CADM3: variants seen among roughly 807,000 people sequenced by gnomAD.
CADM3 encodes TSLC1-like 1.
In CADM3, 11 loss-of-function variants were observed where a neutral mutation model predicts 44.9. That is an observed-to-expected ratio of 0.25 (90% CI 0.15 to 0.41). CADM3 has a LOEUF of 0.41. Among genes scored for constraint, CADM3 ranks in the 10% least tolerant of loss-of-function variants. The pLI, the probability that CADM3 is intolerant of heterozygous loss-of-function variation, is 1.00. For synonymous variants in CADM3, 207 were observed against 205.2 expected, an observed-to-expected ratio of 1.01 and a Z score of -0.08; for missense variants, 426 against 512.0, an observed-to-expected ratio of 0.83 and a Z score of 1.62.
Position 159,199,834 on chromosome 1 carries a change from A to G in CADM3, c.1036A>G (p.Ile346Val), listed in dbSNP as rs1650075822. ...IVAFIVFLLL[I>V]MLIFLGHYLI... ...GGCTTTCATTGTCTTCCTGCTGCTC[A>G]TCATGCTCATCTTCCTTGGCCACTA... Residue 346 changes from isoleucine to valine, a missense_variant, in exon 8 of 9, where the codon ATC (isoleucine) becomes GTC (valine). Physicochemically the swap from Ile to Val is conservative, Grantham distance 29. This residue lies in a region of CADM3 where 362 missense variants were observed against 474.6 expected (regional missense o/e 0.76). Coordinates refer to ENST00000368125, the MANE Select transcript of CADM3 (RefSeq NM_001127173.3). 2 of 1,613,858 alleles carry G rather than the reference A, an allele frequency of 1.2e-6. No homozygotes were observed. The highest frequency in any genetic ancestry group is 3.3e-5 in the Admixed American group (2 of 59,996).
chr1:159,193,775 C>T (rs529772821), intron 4 of CADM3, 95 bp from the exon 5 acceptor site: 62 of 1,512,674 alleles, frequency 4.1e-5, no homozygotes, highest in Admixed American at 2.5e-4. Context: ...ACCATCTGTA[C>T]GTCTACAATG....
chr1:159,196,548 T>C, intron 6 of CADM3, 94 bp downstream of exon 6: 1 of 998,996 alleles, frequency 1.0e-6, no homozygotes, highest in Non-Finnish European at 1.5e-6. Context: ...CTCTGTATTG[T>C]CTGACCTGAG....
chr1:159,200,500 A>C (rs1650124820), intron 8 of CADM3, among the ~76,000 whole-genome samples: 1 of 148,220 alleles, frequency 6.7e-6, no homozygotes, highest in African/African-American at 2.5e-5. Flanking sequence ...GCATACACAC[A>C]CACACGCATG....
intron 1 of CADM3, among the ~76,000 whole-genome samples, chr1:159,180,579 A>T (rs1038902083): frequency 2.3e-4 from 34 of 149,460 alleles, no homozygotes; most frequent in Non-Finnish European, 4.5e-4. Flanking sequence ...AAAAATACAG[A>T]TTTTTTTTTT....
intron 1 of CADM3, among the ~76,000 whole-genome samples, chr1:159,183,484 G>C (rs1649308426): frequency 6.6e-6 from 1 of 152,216 alleles, no homozygotes; most frequent in Non-Finnish European, 1.5e-5. Context: ...CAGCCAGAAA[G>C]AGGGTGGATG....
chr1:159,173,050 G>A (rs1007899287), intron 1 of CADM3, among the ~76,000 whole-genome samples: 1 of 152,088 alleles, frequency 6.6e-6, no homozygotes, highest in African/African-American at 2.4e-5. Context: ...ATGGAGGAAG[G>A]GGGAGAGGGA....
chr1:159,191,878 A>T (rs1649676724), intron 1 of CADM3, 58 bp from the exon 2 acceptor site: 2 of 1,607,212 alleles, frequency 1.2e-6, no homozygotes, highest in Non-Finnish European at 1.7e-6. Context: ...ACTTTGGCTC[A>T]GAAATGGGAG....
In CADM3 at chr1:159,171,756, G is replaced by T. The variant is rs1648807670; in HGVS notation, c.-10G>T. On this transcript the variant is annotated 5_prime_UTR_variant, in exon 1 of 9. Coordinates refer to ENST00000368125, the MANE Select transcript of CADM3 (RefSeq NM_001127173.3). ...CCAGCGCCCAGCCAGGGAGCCGGCC[G>T]GGAAGCGCGATGGGGGCCCCAGCCG... 1 of 1,235,130 alleles carries T rather than the reference G, an allele frequency of 8.1e-7. No individual in the cohort carries two copies. Among genetic ancestry groups the T allele is most frequent in the African/African-American group, 1.5e-5 (1 of 64,604 alleles). The allele number at this position is 1,235,130 out of a possible 1,614,324, so 76.5% of individuals were successfully genotyped here. A position where few individuals can be genotyped will look rare whatever the true frequency, so the allele number is the denominator to read the frequency against.
At chr1:159,179,659 C>A (rs971930634) in intron 1 of CADM3, among the ~76,000 whole-genome samples, 2 of 152,158 alleles carry the variant, frequency 1.3e-5, no homozygotes, top group Non-Finnish European at 2.9e-5. Flanking sequence ...TATGACCTGG[C>A]GCTTTGCTTC....
In CADM3 at chr1:159,200,909, A is replaced by C. The variant is rs770614102; in HGVS notation, c.1184A>C (p.Glu395Ala). ...CAGTCAGGAGGGGACGACAAGAAGG[A>C]ATATTTCATCTAGAGGCGCCTGCCC... ...GGQSGGDDKK[E>A]YFI is the part of the protein sequence containing the mutation. Residue 395 changes from glutamate (E) to alanine (A), a missense_variant, in exon 9 of 9, where the codon GAA (glutamate) becomes GCA (alanine). Physicochemically the swap from Glu to Ala is moderately radical, Grantham distance 107. This residue lies in a region of CADM3 where 362 missense variants were observed against 474.6 expected (regional missense o/e 0.76). Transcript: ENST00000368125. 2 of 1,605,468 alleles carry C rather than the reference A, an allele frequency of 1.2e-6. No homozygotes were observed. The highest frequency in any genetic ancestry group is 1.7e-6 in the Non-Finnish European group (2 of 1,175,954).
chr1:159,185,548 T>G (rs1221212041), intron 1 of CADM3, among the ~76,000 whole-genome samples: 1 of 152,264 alleles, frequency 6.6e-6, no homozygotes, highest in Non-Finnish European at 1.5e-5. Flanking sequence ...GTTTCTTAAC[T>G]CGGCTTTAAC....
intron 6 of CADM3, 105 bp downstream of exon 6, chr1:159,196,559 C>A: frequency 2.2e-6 from 2 of 902,848 alleles, no homozygotes; most frequent in Non-Finnish European, 1.7e-6. Flanking sequence ...CTGACCTGAG[C>A]CTCTCATTTC....
At chr1:159,178,480 T>A (rs781539253) in intron 1 of CADM3, 2 of 152,150 alleles carry the variant, frequency 1.3e-5, no homozygotes, top group African/African-American at 2.4e-5. Context: ...CAAGTGTACA[T>A]CCATACCGTC....
intron 1 of CADM3, among the ~76,000 whole-genome samples, chr1:159,180,839 T>A (rs1005820093): frequency 6.6e-6 from 1 of 152,164 alleles, no homozygotes; most frequent in African/African-American, 2.4e-5. Flanking sequence ...AATTAAACTT[T>A]TCCACAGCAT....
rs151246905 is a variant in CADM3 at position 159,192,110 on chromosome 1, A to G, written c.229+34A>G. 473 of 1,609,948 alleles carry G rather than the reference A, an allele frequency of 2.9e-4. 1 individual carries two copies. In the African/African-American group the frequency reaches 5.5e-3, roughly 19 times the overall value. The stretch of plus-strand genomic sequence containing the variant: ...TCATGAGTTATCTTTCTCCGTGAAA[A>G]CCATGGGCTAGAGAAGGGGACTGCA... On this transcript the variant is annotated intron_variant, in intron 2 of 8. Coordinates refer to ENST00000368125, the MANE Select transcript of CADM3 (RefSeq NM_001127173.3).
intron 1 of CADM3, among the ~76,000 whole-genome samples, chr1:159,174,363 G>A (rs1025883245): frequency 3.3e-5 from 5 of 152,116 alleles, no homozygotes; most frequent in Admixed American, 2.0e-4. Flanking sequence ...CATGTGTTTC[G>A]TACCCCTGAG....
intron 1 of CADM3, among the ~76,000 whole-genome samples, chr1:159,172,858 T>A (rs1261127837): frequency 6.6e-6 from 1 of 152,044 alleles, no homozygotes; most frequent in East Asian, 1.9e-4. Flanking sequence ...TGGGGGCACC[T>A]CAGCTTTCTT....
intron 1 of CADM3, among the ~76,000 whole-genome samples, chr1:159,184,217 A>G (rs970901813): frequency 5.9e-5 from 9 of 152,178 alleles, no homozygotes; most frequent in Non-Finnish European, 1.3e-4. Context: ...GGGGTTAGGG[A>G]AAAATGAGAA....
chr1:159,196,476 T>C (rs759993217), intron 6 of CADM3, 22 bp downstream of exon 6: 1 of 1,594,568 alleles, frequency 6.3e-7, no homozygotes, highest in Admixed American at 1.7e-5. Flanking sequence ...CATTTCCTGG[T>C]CTCCTCCTTA....
Sources: allele counts gnomAD v4.1 joint callset (sites outside exome capture counted in the v4.1 genomes callset), GRCh38; gene constraint gnomAD v4.1.1; regional missense constraint gnomAD v4.1.1; transcripts MANE v1.5; gene names NCBI Gene and HGNC (gene_info 2026-07-23, HGNC 2026-07-21).